The following MCM5 variants were observed in gnomAD, a reference collection of about 807,000 sequenced individuals.
MCM5 encodes the protein DNA replication licensing factor MCM5.
A neutral mutation model predicts 79.9 loss-of-function variants in MCM5; 46 were observed. The observed-to-expected ratio is 0.58, with a 90% CI of 0.45 to 0.74. MCM5 has a LOEUF of 0.74. MCM5 is among the 30% of genes least tolerant of loss of function. The probability of loss-of-function intolerance (pLI) is 0.00; values close to 1 mark genes in which losing one functional copy is unlikely to be tolerated. For synonymous variants in MCM5, 404 were observed against 390.5 expected (o/e 1.03, Z -0.41); for missense variants, 883 against 1,017.0 (o/e 0.87, Z 1.79).
chr22:35,431,224 G>C, the MCM5 span, among the ~76,000 whole-genome samples: 4 of 152,336 alleles, frequency 2.6e-5, no homozygotes, highest in African/African-American at 7.2e-5. Flanking sequence ...ACAGATCCTG[G>C]GGGATGCCTG....
intron 1 of MCM5, 101 bp from the exon 2 acceptor site, chr22:35,400,330 G>A: frequency 7.4e-7 from 1 of 1,355,656 alleles, no homozygotes; most frequent in Non-Finnish European, 1.0e-6. Context: ...CGCGGCCGGG[G>A]GTCCCCCTGC....
the MCM5 span, among the ~76,000 whole-genome samples, chr22:35,447,719 C>T: frequency 2.4e-4 from 36 of 152,260 alleles, no homozygotes; most frequent in South Asian, 2.9e-3. Flanking sequence ...GGCCTGTCTC[C>T]GCCTCCCAAA....
At chr22:35,411,532 G>A (rs1320171889) in intron 7 of MCM5, 1 of 152,540 alleles carries the variant, frequency 6.6e-6, no homozygotes, top group Non-Finnish European at 1.5e-5. Flanking sequence ...GGGAGTCTAG[G>A]GGATGAGGGG....
At chr22:35,415,060 G>A (rs989186333) in intron 9 of MCM5, among the ~76,000 whole-genome samples, 9 of 152,014 alleles carry the variant, frequency 5.9e-5, no homozygotes, top group African/African-American at 2.2e-4. Context: ...TTGTCTAACA[G>A]CCACATTAAA....
chr22:35,407,516 T>G (rs899776857), intron 5 of MCM5, among the ~76,000 whole-genome samples: 1 of 152,122 alleles, frequency 6.6e-6, no homozygotes, highest in African/African-American at 2.4e-5. Flanking sequence ...CTGCCCCTCC[T>G]CTCTCCAGGC....
intron 9 of MCM5, among the ~76,000 whole-genome samples, chr22:35,414,394 C>T (rs370292078): frequency 2.6e-5 from 4 of 152,074 alleles, no homozygotes; most frequent in African/African-American, 7.2e-5. Context: ...CCGAGGTGGG[C>T]GGATTGCTTG....
intron 15 of MCM5, 188 bp from the exon 16 acceptor site, chr22:35,423,026 G>C: frequency 1.1e-5 from 5 of 469,954 alleles, no homozygotes; most frequent in Admixed American, 4.1e-5. Flanking sequence ...TTGGCCTGGA[G>C]TGTCCCCACA....
At chr22:35,437,933 AGG>A in the MCM5 span, among the ~76,000 whole-genome samples, 1 of 152,174 alleles carries the variant, frequency 6.6e-6, no homozygotes, top group Non-Finnish European at 1.5e-5. Flanking sequence ...CCAGAGGAGA[AGG>A]GGAGTGACTA....
At chr22:35,423,106 C>G in intron 15 of MCM5, 108 bp from the exon 16 acceptor site, 2 of 1,285,780 alleles carry the variant, frequency 1.6e-6, no homozygotes, top group South Asian at 1.6e-5. Flanking sequence ...TTCTGACTTA[C>G]TCTTCGGGGC....
chr22:35,435,594 G>A, the MCM5 span, among the ~76,000 whole-genome samples: 27 of 152,320 alleles, frequency 1.8e-4, no homozygotes, highest in East Asian at 4.2e-3. Flanking sequence ...CTTTGTTCCC[G>A]GGTCTTCCTG....
intron 10 of MCM5, 73 bp from the exon 11 acceptor site, chr22:35,416,266 G>C: frequency 4.1e-6 from 6 of 1,451,380 alleles, no homozygotes; most frequent in Non-Finnish European, 5.8e-6. Flanking sequence ...GCTGCTGTTA[G>C]TTTTCCTGTT....
rs133417 is a variant in MCM5, at chr22:35,410,822, T to A, written c.831T>A (p.Thr277=). ...ACTCCATCAAGAAGTTTGGCCTGAC[T>A]ACCAGCAGGGGCCGTGACAGGGTGG... ...GIYSIKKFGL[T]TSRGRDRVGV... The change falls in exon 7 of 17, where the codon ACT becomes ACA. Residue 277 remains threonine (T), a synonymous_variant. Coordinates refer to ENST00000216122, the MANE Select transcript of MCM5 (RefSeq NM_006739.4). 1 of 1,614,004 alleles carries A rather than the reference T, an allele frequency of 6.2e-7. No homozygotes were observed. The highest frequency in any genetic ancestry group is 1.1e-5 in the South Asian group (1 of 91,080).
intron 14 of MCM5, among the ~76,000 whole-genome samples, chr22:35,420,803 G>A (rs1932673816): frequency 6.6e-6 from 1 of 152,186 alleles, no homozygotes; most frequent in Non-Finnish European, 1.5e-5. Context: ...TCTGGGATGT[G>A]TTTTAGTGGA....
At chr22:35,447,989 G>C in the MCM5 span, among the ~76,000 whole-genome samples, 4 of 152,322 alleles carry the variant, frequency 2.6e-5, 1 homozygote, top group Admixed American at 2.6e-4. Context: ...TGACCCAGCA[G>C]GTTTGATAAA....
Position 35,410,872 on chromosome 22 carries a change from T to G in MCM5, c.881T>G (p.Ile294Ser), listed in dbSNP as rs866216842. 5 of 1,611,352 alleles carry G rather than the reference T, an allele frequency of 3.1e-6. No homozygotes were observed. The African/African-American group carries it at 5.3e-5, about 17-fold the overall frequency. ...GGCGTGGGCATCCGAAGCTCCTACA[T>G]CCGTGTCCTGGGCATCCAGGTGGAC... ...RVGVGIRSSY[I>S]RVLGIQVDTD... The change falls in exon 7 of 17, where the codon ATC (isoleucine) becomes AGC (serine). Residue 294 changes from isoleucine (I) to serine (S), a missense_variant. Around this residue, in one of 3 missense-constraint regions of MCM5, gnomAD observed 455 missense variants for 517.5 expected, o/e 0.88. Transcript: ENST00000216122.
chr22:35,410,436 G>A (rs548919828), intron 6 of MCM5: 1 of 367,680 alleles, frequency 2.7e-6, no homozygotes, highest in Non-Finnish European at 5.3e-6. Context: ...CTGTGGGCTG[G>A]CACTAAGCCT....
At chr22:35,423,033 CA>C in intron 15 of MCM5, 180 bp from the exon 16 acceptor site, 1 of 503,512 alleles carries the variant, frequency 2.0e-6, no homozygotes, top group Non-Finnish European at 3.4e-6. Context: ...GGAGTGTCCC[CA>C]CATGTGCCAT....
rs1932678151 is a variant in MCM5 at position 35,421,011 on chromosome 22, C to T, written c.1833-307C>T. On this transcript the variant is annotated intron_variant, in intron 14 of 16. Transcript: ENST00000216122. ...GGCATTGTGGTGCATGCCTGTAGAC[C>T]CAGCTCCTCAGGTGGCTGAGGTGGA... 2.0e-5 allele frequency among the ~76,000 whole-genome samples: 3 copies of T among 151,704 alleles called. No individual in the cohort carries two copies. The South Asian group carries it at 6.3e-4, about 32-fold the overall frequency.
At chr22:35,428,997 T>TTTTC (rs1314299071), downstream of MCM5, among the ~76,000 whole-genome samples, 10 of 145,008 alleles carry the variant, frequency 6.9e-5, no homozygotes, top group African/African-American at 2.3e-4. Context: ...TTTTTTTTTT[T>TTTTC]CTTTTTTGAG....
Sources: allele counts gnomAD v4.1 joint callset (sites outside exome capture counted in the v4.1 genomes callset), GRCh38; gene constraint gnomAD v4.1.1; regional missense constraint gnomAD v4.1.1; transcripts MANE v1.5; gene names NCBI Gene and HGNC (gene_info 2026-07-23, HGNC 2026-07-21).